PCDHGA12: variants seen among roughly 807,000 people sequenced by gnomAD.
The protein encoded by PCDHGA12 is protocadherin gamma subfamily A, 12, also known as protocadherin gamma-A12.
PCDHGA12 carries 43 observed loss-of-function variants against 61.1 expected under a neutral mutation model. The ratio of observed to expected loss-of-function variants is 0.70; its 90% CI spans 0.55 to 0.91. The LOEUF (loss-of-function observed/expected upper bound fraction) is 0.91, where lower values mean the gene tolerates loss of function less well. Ranked by LOEUF, PCDHGA12 falls within the 40% of genes least tolerant of loss-of-function variation. The pLI is 0.00. For synonymous variants in PCDHGA12, 520 were observed against 542.9 expected, an observed-to-expected ratio of 0.96 and a Z score of 0.59; for missense variants, 1,236 against 1,227.7, an observed-to-expected ratio of 1.01 and a Z score of -0.10.
In PCDHGA12 at chr5:141,431,375, G is replaced by T. The variant is rs139873616; in HGVS notation, c.616G>T (p.Ala206Ser). ...LKRALDREEK[A>S]AHHLVLTASD... ...ACGCGCCCTGGACCGCGAAGAAAAGGCTGCTCACCACCTGGTCCTTACGGC... is the reference window on the plus strand; with the variant it reads ...ACGCGCCCTGGACCGCGAAGAAAAGTCTGCTCACCACCTGGTCCTTACGGC... Residue 206 changes from alanine to serine, a missense_variant, in exon 1 of 4, where the codon GCT (alanine) becomes TCT (serine). Coordinates refer to ENST00000252085, the MANE Select transcript of PCDHGA12 (RefSeq NM_003735.3). This position sits in a 1 kb window ranked among gnomAD's most constrained non-coding sequence, Gnocchi z 4.8. 21 of 1,613,422 alleles carry T rather than the reference G, an allele frequency of 1.3e-5. No homozygotes were observed. The African/African-American group carries it at 2.8e-4, about 21-fold the overall frequency.
At chr5:141,434,080 A>G (rs775751994) in intron 1 of PCDHGA12, among the ~76,000 whole-genome samples, 2 of 152,042 alleles carry the variant, frequency 1.3e-5, no homozygotes, top group Non-Finnish European at 2.9e-5. Flanking sequence ...TCAATTATTT[A>G]TTTTGATGCT....
intron 1 of PCDHGA12, among the ~76,000 whole-genome samples, chr5:141,435,451 CTGTA>C: frequency 6.6e-6 from 1 of 152,258 alleles, no homozygotes; most frequent in Non-Finnish European, 1.5e-5. Context: ...AATACGATAT[CTGTA>C]TGTGTTTCCA....
intron 2 of PCDHGA12, among the ~76,000 whole-genome samples, chr5:141,502,944 A>G (rs1447378539): frequency 1.4e-5 from 2 of 145,406 alleles, no homozygotes; most frequent in Non-Finnish European, 1.5e-5. Context: ...CCTGGGTTCA[A>G]GCGATTCTCC....
chr5:141,476,083 T>C lies in PCDHGA12; in HGVS notation c.2425-18724T>C. 1 of 1,547,886 alleles carries C rather than the reference T, an allele frequency of 6.5e-7. No homozygotes were observed. The highest frequency in any genetic ancestry group is 8.7e-7 in the Non-Finnish European group (1 of 1,153,242). The stretch of plus-strand genomic sequence containing the variant: ...TCTCAGCGAAATCTCAGGGACGATC[T>C]GGACCCCGCTGAGAGGAACTGCTTT... On this transcript the variant is annotated intron_variant, in intron 1 of 3. Coordinates refer to ENST00000252085, the MANE Select transcript of PCDHGA12 (RefSeq NM_003735.3). This position sits in a 1 kb window ranked among gnomAD's most constrained non-coding sequence, Gnocchi z 7.6.
intron 2 of PCDHGA12, among the ~76,000 whole-genome samples, chr5:141,495,703 GGAGT>G (rs2099763108): frequency 6.6e-6 from 1 of 152,098 alleles, no homozygotes; most frequent in South Asian, 2.1e-4. Context: ...CAATAAATGT[GGAGT>G]GAGTAACTAC....
At position 141,431,433 on chromosome 5, in the gene PCDHGA12, C is replaced by T; in HGVS notation, c.674C>T (p.Thr225Ile). The part of the protein sequence containing the change: ...SDGGDPVRTG[T>I]ARIRVMVLDA... ...GGGGGCGACCCGGTGCGCACAGGCA[C>T]CGCGCGCATCCGCGTGATGGTTCTG... The change falls in exon 1 of 4, where the codon ACC becomes ATC. Residue 225 changes from threonine (T) to isoleucine (I), a missense_variant. By Grantham distance (89) the Thr-to-Ile change is moderately conservative. Transcript: ENST00000252085. This position sits in a 1 kb window ranked among gnomAD's most constrained non-coding sequence, Gnocchi z 4.8. 1.9e-6 allele frequency: 3 copies of T among 1,613,716 alleles called. No homozygotes were observed. The highest frequency in any genetic ancestry group is 2.5e-6 in the Non-Finnish European group (3 of 1,180,028).
intron 1 of PCDHGA12, chr5:141,475,845 G>C: frequency 4.5e-6 from 2 of 448,002 alleles, no homozygotes; most frequent in Non-Finnish European, 7.9e-6. Context: ...TGCTCAGAGA[G>C]CCCGGCGCTA....
At position 141,482,865 on chromosome 5, in the gene PCDHGA12, A is replaced by G. The variant is rs557581796; in HGVS notation, c.2425-11942A>G. ...GGTGGGCAGATCACTTGAGGTCAGG[A>G]GTTTGAAACCAGCCTGGCCAACATG... On this transcript the variant is annotated intron_variant, in intron 1 of 3. Coordinates refer to ENST00000252085, the MANE Select transcript of PCDHGA12 (RefSeq NM_003735.3). Among the ~76,000 whole-genome samples, 66 of 152,206 alleles carry G rather than the reference A, an allele frequency of 4.3e-4. 1 individual carries two copies. Among genetic ancestry groups the G allele is most frequent in the African/African-American group, 1.5e-3 (61 of 41,516 alleles).
chr5:141,503,912 AAC>A lies in PCDHGA12; in HGVS notation c.2484-1471_2484-1470del, dbSNP rs34419983. Among the ~76,000 whole-genome samples, 284 of 152,278 alleles carry A rather than the reference AAC, an allele frequency of 1.9e-3. 1 individual carries two copies. The highest frequency in any genetic ancestry group is 0.014 in the Middle Eastern group (4 of 292). Reference sequence around the variant, plus strand: ...GACAAAATATGCACACACACAACGCAACACACACACAGACATTTTCATGCCTT... The same window carrying A: ...GACAAAATATGCACACACACAACGCAACACACACAGACATTTTCATGCCTT... On this transcript the variant is annotated intron_variant, in intron 2 of 3. Coordinates refer to ENST00000252085, the MANE Select transcript of PCDHGA12 (RefSeq NM_003735.3).
chr5:141,462,011 C>T (rs567038580), intron 1 of PCDHGA12, among the ~76,000 whole-genome samples: 32 of 152,182 alleles, frequency 2.1e-4, no homozygotes, highest in Admixed American at 5.9e-4. Flanking sequence ...TTAATAGAGA[C>T]GGGGTTTCTT....
intron 3 of PCDHGA12, chr5:141,506,958 A>C (rs529190059): frequency 1.6e-3 from 239 of 152,280 alleles, no homozygotes; most frequent in African/African-American, 5.5e-3. Flanking sequence ...GAATCCTCTC[A>C]ATAGCTCTGC....
chr5:141,480,273 G>A (rs2099516030), intron 1 of PCDHGA12, among the ~76,000 whole-genome samples: 1 of 151,956 alleles, frequency 6.6e-6, no homozygotes, highest in Non-Finnish European at 1.5e-5. Flanking sequence ...TCATTAGCTG[G>A]GTGTGTTGGC....
intron 1 of PCDHGA12, among the ~76,000 whole-genome samples, chr5:141,450,082 C>T (rs2098668421): frequency 6.8e-6 from 1 of 147,384 alleles, no homozygotes. Context: ...TCTTGGCTCA[C>T]TGCAACCTCC....
At chr5:141,506,130 GAGA>G (rs560751517) in intron 3 of PCDHGA12, among the ~76,000 whole-genome samples, 2 of 152,170 alleles carry the variant, frequency 1.3e-5, no homozygotes, top group Admixed American at 1.3e-4. Context: ...CCCAGAGCAG[GAGA>G]AGAAGAATAT....
In PCDHGA12 at chr5:141,476,352, T is replaced by C. The variant is rs2099389565; in HGVS notation, c.2425-18455T>C. The C allele has an allele frequency of 1.2e-6, 2 of 1,613,826 alleles. No individual in the cohort carries two copies. Among genetic ancestry groups the C allele is most frequent in the African/African-American group, 1.3e-5 (1 of 74,852 alleles). On this transcript the variant is annotated intron_variant, in intron 1 of 3. Transcript: ENST00000252085. The surrounding 1 kb of genome is among the most constrained non-coding windows in gnomAD (Gnocchi z 7.6). ...GGAGCTAGCCGAAGATTCTTTGAGG[T>C]GAACCGGGAGACCGGAGAGATGTTT...
chr5:141,505,891 G>A (rs541853565), intron 3 of PCDHGA12, among the ~76,000 whole-genome samples: 9 of 152,288 alleles, frequency 5.9e-5, no homozygotes, highest in Admixed American at 5.9e-4. Context: ...GATTAAATGA[G>A]ATGATACCAC....
At position 141,477,850 on chromosome 5, in the gene PCDHGA12, G is replaced by A; in HGVS notation, c.2425-16957G>A. On this transcript the variant is annotated intron_variant, in intron 1 of 3. Transcript: ENST00000252085. The surrounding 1 kb of genome is among the most constrained non-coding windows in gnomAD (Gnocchi z 4.9). ...CTCGGCCAGGTGGGAGCTCGGTGGAGATGCTGCCTCGAGGTACCTCAGCTG... is the reference window on the plus strand; with the variant it reads ...CTCGGCCAGGTGGGAGCTCGGTGGAAATGCTGCCTCGAGGTACCTCAGCTG... 6.2e-7 allele frequency: 1 copy of A among 1,613,446 alleles called. No homozygotes were observed. Among genetic ancestry groups the A allele is most frequent in the Admixed American group, 1.7e-5 (1 of 59,958 alleles).
intron 1 of PCDHGA12, among the ~76,000 whole-genome samples, chr5:141,468,088 G>T (rs186503104): frequency 6.6e-6 from 1 of 152,186 alleles, no homozygotes; most frequent in East Asian, 1.9e-4. Context: ...ACTTTGGGAG[G>T]TTGAGGCAGG....
chr5:141,478,148 C>T lies in PCDHGA12; in HGVS notation c.2425-16659C>T, dbSNP rs752958567. ...CTCTCCTGAAGCCCGAGCCGAGTTC[C>T]CCTCTGGCTCTGCCCCCCGGGAGCA... On this transcript the variant is annotated intron_variant, in intron 1 of 3. Coordinates refer to ENST00000252085, the MANE Select transcript of PCDHGA12 (RefSeq NM_003735.3). 3.1e-6 allele frequency: 5 copies of T among 1,613,948 alleles called. No homozygotes were observed. The highest frequency in any genetic ancestry group is 1.6e-4 in the Middle Eastern group (1 of 6,082).
Sources: allele counts gnomAD v4.1 joint callset (sites outside exome capture counted in the v4.1 genomes callset), GRCh38; gene constraint gnomAD v4.1.1; non-coding constraint Gnocchi (gnomAD v3.1); transcripts MANE v1.5; gene names NCBI Gene and HGNC (gene_info 2026-07-23, HGNC 2026-07-21).